Variants in COL4A5 observed in about 807,000 individuals in gnomAD.
COL4A5 encodes the protein collagen type IV alpha 5 chain.
COL4A5 carries 26 observed loss-of-function variants against 130.2 expected under a neutral mutation model. That is an observed-to-expected ratio of 0.20 (90% confidence interval 0.15 to 0.28). COL4A5 has a LOEUF of 0.28. COL4A5 is among the 10% of genes least tolerant of loss of function. The probability of loss-of-function intolerance (pLI) is 1.00; values close to 1 mark genes in which losing one functional copy is unlikely to be tolerated. For missense variants in COL4A5, 1,131 were observed against 1,344.3 expected, an observed-to-expected ratio of 0.84 and a Z score of 2.48; for synonymous variants, 496 against 439.6, an observed-to-expected ratio of 1.13 and a Z score of -1.60.
At chrX:108,518,246 T>C (rs753891640) in intron 1 of COL4A5, among the ~76,000 whole-genome samples, 2 of 111,216 alleles carry the variant, frequency 1.8e-5, no homozygotes, top group East Asian at 5.6e-4. Flanking sequence ...TTTTAAAAGG[T>C]CCCATTTCAC....
chrX:108,627,533 C>A, intron 36 of COL4A5: 2 of 703,767 alleles, frequency 2.8e-6, no homozygotes, highest in Non-Finnish European at 3.4e-6. Flanking sequence ...TGTCGTCATA[C>A]ATTATATCTG....
chrX:108,569,446 T>C (rs183530662), intron 6 of COL4A5, among the ~76,000 whole-genome samples: 135 of 111,673 alleles, frequency 1.2e-3, no homozygotes, highest in Admixed American at 1.5e-3. Context: ...TTGGATTGAA[T>C]ATAAAGTAAT....
chrX:108,629,278 G>A (rs2067208731), intron 36 of COL4A5, among the ~76,000 whole-genome samples: 1 of 111,591 alleles, frequency 9.0e-6, no homozygotes, highest in African/African-American at 3.3e-5. Flanking sequence ...GTGAATCGGG[G>A]AGCAAATGGA....
chrX:108,647,468 A>T (rs2067622395), intron 36 of COL4A5, among the ~76,000 whole-genome samples: 1 of 111,600 alleles, frequency 9.0e-6, no homozygotes, highest in Non-Finnish European at 1.9e-5. Flanking sequence ...TTATCAGCTT[A>T]AGGAGATTTG....
chrX:108,498,108 G>A (rs1323913904), intron 1 of COL4A5, among the ~76,000 whole-genome samples: 1 of 111,254 alleles, frequency 9.0e-6, no homozygotes, highest in Non-Finnish European at 1.9e-5. Context: ...GTTTCCTGTT[G>A]TTTTTTCTAG....
chrX:108,678,736 T>C (rs1603315131), intron 44 of COL4A5, among the ~76,000 whole-genome samples: 1 of 110,967 alleles, frequency 9.0e-6, no homozygotes, highest in Non-Finnish European at 1.9e-5. Flanking sequence ...AGTACACTTA[T>C]TAACTTCAGA....
chrX:108,626,559 G>A (rs1158808886), intron 36 of COL4A5: 1 of 1,131,628 alleles, frequency 8.8e-7, no homozygotes, highest in Admixed American at 2.8e-5. Flanking sequence ...AAAACTTTCT[G>A]GTTTCTTTGT....
At chrX:108,452,444 T>C (rs1415487311) in intron 1 of COL4A5, among the ~76,000 whole-genome samples, 2 of 112,286 alleles carry the variant, frequency 1.8e-5, no homozygotes, top group Admixed American at 9.4e-5. Flanking sequence ...ATATTGATTC[T>C]TCCTACCCAT....
At chrX:108,453,988 C>A (rs1469859373) in intron 1 of COL4A5, among the ~76,000 whole-genome samples, 1 of 112,113 alleles carries the variant, frequency 8.9e-6, no homozygotes, top group Non-Finnish European at 1.9e-5. Context: ...CAAAAAATAG[C>A]TAAAGTTGCA....
At chrX:108,594,542 G>A (rs2066483250) in intron 21 of COL4A5, among the ~76,000 whole-genome samples, 1 of 109,954 alleles carries the variant, frequency 9.1e-6, no homozygotes, top group Admixed American at 9.8e-5. Flanking sequence ...TTTCTTATAT[G>A]CCTATATGCC....
chrX:108,478,300 C>T (rs1218061784), intron 1 of COL4A5, among the ~76,000 whole-genome samples: 1 of 111,055 alleles, frequency 9.0e-6, no homozygotes, highest in Non-Finnish European at 1.9e-5. Context: ...TGTTGTGTCT[C>T]CTGGTGGCAG....
chrX:108,483,390 A>T (rs2064912384), intron 1 of COL4A5, among the ~76,000 whole-genome samples: 1 of 111,767 alleles, frequency 8.9e-6, no homozygotes, highest in African/African-American at 3.3e-5. Flanking sequence ...GGCAGGAAGC[A>T]TCCAGGATAG....
chrX:108,675,730 T>G (rs2068290302), intron 43 of COL4A5, among the ~76,000 whole-genome samples: 2 of 111,715 alleles, frequency 1.8e-5, no homozygotes, highest in African/African-American at 6.5e-5. Flanking sequence ...TAGAAATACC[T>G]GAAAGATTAA....
intron 1 of COL4A5, among the ~76,000 whole-genome samples, chrX:108,442,194 G>C (rs757982711): frequency 9.0e-6 from 1 of 111,701 alleles, no homozygotes; most frequent in African/African-American, 3.2e-5. Flanking sequence ...GAGTAAAACT[G>C]GTTGGTGGTA....
intron 22 of COL4A5, among the ~76,000 whole-genome samples, chrX:108,596,314 C>T (rs2066516120): frequency 8.9e-6 from 1 of 112,112 alleles, no homozygotes; most frequent in South Asian, 3.7e-4. Flanking sequence ...AGCCTTGTAC[C>T]TCTAGTCTCA....
intron 1 of COL4A5, among the ~76,000 whole-genome samples, chrX:108,510,161 A>G (rs1304816162): frequency 9.0e-6 from 1 of 111,245 alleles, no homozygotes; most frequent in Non-Finnish European, 1.9e-5. Flanking sequence ...GTGAGGGTGG[A>G]GGCTGGGAGG....
chrX:108,578,171 A>G, intron 12 of COL4A5, 52 bp downstream of exon 12: 1 of 1,160,377 alleles, frequency 8.6e-7, no homozygotes. Context: ...CTCTTTTTGT[A>G]GTCATTTGAA....
At chrX:108,615,312 A>T (rs1482871133) in intron 30 of COL4A5, among the ~76,000 whole-genome samples, 1 of 111,777 alleles carries the variant, frequency 8.9e-6, no homozygotes, top group Non-Finnish European at 1.9e-5. Flanking sequence ...TTGGAAGCAG[A>T]GGCCTAGAAA....
intron 1 of COL4A5, among the ~76,000 whole-genome samples, chrX:108,482,734 A>G (rs763105108): frequency 9.0e-6 from 1 of 111,444 alleles, no homozygotes; most frequent in East Asian, 2.8e-4. Flanking sequence ...CTCTTTCTCT[A>G]CAAGGGCGAA....
Sources: gnomAD v4.1 joint callset for allele counts (sites outside exome capture counted in the v4.1 genomes callset) on GRCh38, gnomAD v4.1.1 for gene constraint, MANE v1.5 for transcripts, NCBI Gene and HGNC (gene_info 2026-07-23, HGNC 2026-07-21) for gene names.